Variants in CADM2 observed in about 807,000 individuals in gnomAD.
The protein encoded by CADM2 is immunoglobulin superfamily member 4D.
In CADM2, 12 loss-of-function variants were observed where a neutral mutation model predicts 49.8. That is an observed-to-expected ratio of 0.24 (90% CI 0.15 to 0.39). The LOEUF (loss-of-function observed/expected upper bound fraction) is 0.39. Ranked by LOEUF, CADM2 falls within the 10% of genes least tolerant of loss-of-function variation. The pLI, the probability that CADM2 is intolerant of heterozygous loss-of-function variation, is 1.00. For missense variants in CADM2, 378 were observed against 492.3 expected (o/e 0.77, Z 2.20); for synonymous variants, 214 against 175.4 (o/e 1.22, Z -1.74).
At chr3:84,970,044 CTTTTTTTTT>C (rs33980527) in intron 1 of CADM2, among the ~76,000 whole-genome samples, 1 of 103,566 alleles carries the variant, frequency 9.7e-6, no homozygotes, top group African/African-American at 3.8e-5. Flanking sequence ...GACTGACCTG[CTTTTTTTTT>C]TTTTTTTTTT....
intron 1 of CADM2, among the ~76,000 whole-genome samples, chr3:85,221,321 A>G (rs1245668003): frequency 1.3e-5 from 2 of 152,120 alleles, no homozygotes; most frequent in Non-Finnish European, 2.9e-5. Flanking sequence ...GAGGAAAAAA[A>G]TGCTAGTAAT....
chr3:85,649,702 T>G (rs2064989363), intron 1 of CADM2, among the ~76,000 whole-genome samples: 1 of 152,206 alleles, frequency 6.6e-6, no homozygotes, highest in African/African-American at 2.4e-5. Flanking sequence ...AGACCGTGAT[T>G]CTGCAGTCTT....
intron 1 of CADM2, among the ~76,000 whole-genome samples, chr3:85,346,221 A>G (rs1226297179): frequency 1.3e-5 from 2 of 152,196 alleles, no homozygotes; most frequent in African/African-American, 2.4e-5. Flanking sequence ...CTTTATTAAA[A>G]CTGTCTTAGT....
chr3:85,320,507 G>A (rs1206585494), intron 1 of CADM2, among the ~76,000 whole-genome samples: 2 of 152,102 alleles, frequency 1.3e-5, no homozygotes, highest in Non-Finnish European at 2.9e-5. Flanking sequence ...GTAGCTGCCG[G>A]TGGTTGTCCC....
intron 6 of CADM2, among the ~76,000 whole-genome samples, chr3:85,927,796 T>C (rs796899698): frequency 6.6e-6 from 1 of 152,226 alleles, no homozygotes; most frequent in South Asian, 2.1e-4. Flanking sequence ...CTTAAATTTC[T>C]ATTATACTTA....
chr3:84,993,232 G>A (rs1339720629), intron 1 of CADM2, among the ~76,000 whole-genome samples: 1 of 152,146 alleles, frequency 6.6e-6, no homozygotes, highest in Non-Finnish European at 1.5e-5. Context: ...ACGAAAAGAA[G>A]TGTGTTAGCA....
intron 5 of CADM2, among the ~76,000 whole-genome samples, chr3:85,894,306 T>A (rs1171336346): frequency 2.6e-5 from 4 of 151,958 alleles, no homozygotes; most frequent in Non-Finnish European, 5.9e-5. Flanking sequence ...ATGAGAACAC[T>A]TGGACACAGG....
chr3:86,048,222 A>T (rs1025662965), intron 8 of CADM2, among the ~76,000 whole-genome samples: 2 of 152,022 alleles, frequency 1.3e-5, no homozygotes, highest in African/African-American at 2.4e-5. Context: ...ACGAATATAT[A>T]TGTATTTGTT....
intron 1 of CADM2, among the ~76,000 whole-genome samples, chr3:84,968,425 T>C (rs894772195): frequency 6.6e-6 from 1 of 152,082 alleles, no homozygotes; most frequent in African/African-American, 2.4e-5. Flanking sequence ...TCAGGGATCA[T>C]GTGGGATAGA....
chr3:85,474,765 C>T (rs1197540187), intron 1 of CADM2, among the ~76,000 whole-genome samples: 1 of 151,742 alleles, frequency 6.6e-6, no homozygotes. Flanking sequence ...TGTGTAAACA[C>T]TTAACATGGT....
At chr3:85,730,261 G>A (rs895108519) in intron 2 of CADM2, among the ~76,000 whole-genome samples, 1 of 151,942 alleles carries the variant, frequency 6.6e-6, no homozygotes, top group African/African-American at 2.4e-5. Flanking sequence ...GGCCAACATG[G>A]TGAAACCCCA....
intron 1 of CADM2, among the ~76,000 whole-genome samples, chr3:85,113,325 G>T (rs1459407204): frequency 2.0e-5 from 3 of 151,992 alleles, no homozygotes; most frequent in Non-Finnish European, 4.4e-5. Context: ...ACAGATCCCA[G>T]GCAATTTAAT....
At position 85,158,626 on chromosome 3, in the gene CADM2, G is replaced by T. The variant is rs1004072716; in HGVS notation, c.61+198958G>T. Among the ~76,000 whole-genome samples the T allele has an allele frequency of 3.3e-5, 5 of 152,054 alleles. No homozygotes were observed. The East Asian group carries it at 5.8e-4, about 18-fold the overall frequency. On this transcript the variant is annotated intron_variant, in intron 1 of 9. Coordinates refer to ENST00000383699, the MANE Select transcript of CADM2 (RefSeq NM_001167675.2). The stretch of plus-strand genomic sequence containing the variant: ...AAACACTGCATATTCTGACTCATAG[G>T]TGGGAATTGAACAATGAGAACACAT...
intron 1 of CADM2, among the ~76,000 whole-genome samples, chr3:85,062,110 A>T (rs1466867561): frequency 1.3e-5 from 2 of 150,774 alleles, no homozygotes; most frequent in African/African-American, 4.9e-5. Context: ...ACACAAACAC[A>T]CACACGGAAA....
At chr3:85,724,831 T>G (rs918748702) in intron 1 of CADM2, among the ~76,000 whole-genome samples, 1 of 151,908 alleles carries the variant, frequency 6.6e-6, no homozygotes, top group African/African-American at 2.4e-5. Context: ...TATATCAATT[T>G]TGTACTTAAA....
At chr3:85,119,019 G>A (rs2038749497) in intron 1 of CADM2, among the ~76,000 whole-genome samples, 3 of 152,156 alleles carry the variant, frequency 2.0e-5, no homozygotes, top group East Asian at 1.9e-4. Flanking sequence ...AAAGTGCTGT[G>A]ATTCCAAGCT....
chr3:85,364,808 G>A (rs1428147233), intron 1 of CADM2, among the ~76,000 whole-genome samples: 3 of 152,004 alleles, frequency 2.0e-5, no homozygotes, highest in Non-Finnish European at 1.5e-5. Context: ...GTCAGGAAAC[G>A]ACGCCAAGGA....
intron 1 of CADM2, among the ~76,000 whole-genome samples, chr3:85,020,217 A>G (rs1018803167): frequency 4.6e-5 from 7 of 152,154 alleles, no homozygotes; most frequent in African/African-American, 9.7e-5. Flanking sequence ...GGTGGTTTCA[A>G]TGAAAAACAT....
At chr3:85,785,299 T>C (rs1447244844) in intron 2 of CADM2, among the ~76,000 whole-genome samples, 2 of 152,144 alleles carry the variant, frequency 1.3e-5, no homozygotes, top group African/African-American at 4.8e-5. Context: ...TTATTATTTC[T>C]TTTATGCACT....
Sources: allele counts gnomAD v4.1 joint callset (sites outside exome capture counted in the v4.1 genomes callset), GRCh38; gene constraint gnomAD v4.1.1; transcripts MANE v1.5; gene names NCBI Gene and HGNC (gene_info 2026-07-23, HGNC 2026-07-21).